The following CYB5R4 variants were observed in gnomAD, a reference collection of about 807,000 sequenced individuals.
CYB5R4 encodes the protein cytochrome b5 reductase 4.
In CYB5R4, 55 loss-of-function variants were observed where a neutral mutation model predicts 70.2. The observed-to-expected ratio is 0.78, with a 90% CI of 0.63 to 0.98. The LOEUF (loss-of-function observed/expected upper bound fraction) is 0.98, where lower values mean the gene tolerates loss of function less well. Ranked by LOEUF, CYB5R4 falls within the 50% of genes least tolerant of loss-of-function variation. The pLI is 0.00. For missense variants in CYB5R4, 562 were observed against 612.6 expected (o/e 0.92, Z 0.87); for synonymous variants, 197 against 199.5 (o/e 0.99, Z 0.11).
Position 83,876,023 on chromosome 6 carries a change from A to G in CYB5R4, c.229+11695A>G, listed in dbSNP as rs1440986817. Among the ~76,000 whole-genome samples the G allele has an allele frequency of 2.0e-5, 3 of 152,298 alleles. No homozygotes were observed. The East Asian group carries it at 5.8e-4, about 29-fold the overall frequency. ...TTCGAACGCCTCTGACAGTAGGGAT[A>G]TTCTAATGTTATCACAAGATAGAAC... On this transcript the variant is annotated intron_variant, in intron 2 of 15. Coordinates refer to ENST00000369681, the MANE Select transcript of CYB5R4 (RefSeq NM_016230.4).
intron 3 of CYB5R4, among the ~76,000 whole-genome samples, chr6:83,908,319 A>T (rs1433893312): frequency 1.3e-5 from 2 of 151,968 alleles, no homozygotes; most frequent in Admixed American, 1.3e-4. Context: ...TATGTGCAGG[A>T]TGTGCAGGTT....
intron 3 of CYB5R4, among the ~76,000 whole-genome samples, chr6:83,899,316 G>C (rs549952890): frequency 7.4e-4 from 113 of 152,180 alleles, no homozygotes; most frequent in East Asian, 4.2e-3. Context: ...GGATGAAGCC[G>C]ACTTGATCAT....
chr6:83,928,418 C>T (rs1304610518), intron 10 of CYB5R4, among the ~76,000 whole-genome samples: 2 of 151,980 alleles, frequency 1.3e-5, no homozygotes, highest in African/African-American at 4.8e-5. Flanking sequence ...AGTGAATAGA[C>T]ACAGATGAAT....
intron 12 of CYB5R4, among the ~76,000 whole-genome samples, chr6:83,938,662 C>T (rs1378312287): frequency 6.6e-6 from 1 of 152,100 alleles, no homozygotes; most frequent in Non-Finnish European, 1.5e-5. Context: ...ATCAGTTATC[C>T]TATGTGAGTC....
intron 2 of CYB5R4, among the ~76,000 whole-genome samples, chr6:83,890,257 G>A (rs2099460914): frequency 6.6e-6 from 1 of 152,180 alleles, no homozygotes; most frequent in South Asian, 2.1e-4. Context: ...TATGAGGAGA[G>A]AACAAAGTAT....
intron 14 of CYB5R4, among the ~76,000 whole-genome samples, chr6:83,942,023 A>G (rs1286741004): frequency 6.6e-6 from 1 of 152,198 alleles, no homozygotes; most frequent in African/African-American, 2.4e-5. Flanking sequence ...TTTGGAGAAG[A>G]TAACGTAAAT....
At chr6:83,911,772 G>T in intron 4 of CYB5R4, among the ~76,000 whole-genome samples, 1 of 152,012 alleles carries the variant, frequency 6.6e-6, no homozygotes. Flanking sequence ...ATCTGGGTAC[G>T]GTGGCTGACA....
chr6:83,958,900 T>C (rs2099472874), intron 15 of CYB5R4, among the ~76,000 whole-genome samples: 1 of 152,144 alleles, frequency 6.6e-6, no homozygotes, highest in Non-Finnish European at 1.5e-5. Context: ...ATAGAGTAAG[T>C]GGTAAAAAAG....
Position 83,959,880 on chromosome 6 carries a change from G to A in CYB5R4, c.*2G>A, listed in dbSNP as rs2129146809. ...GAGATCCATAGTTTTACAGCATAATGAAGAGCTGTCATTGTCCTTTATTCA... is the reference window on the plus strand; with the variant it reads ...GAGATCCATAGTTTTACAGCATAATAAAGAGCTGTCATTGTCCTTTATTCA... On this transcript the variant is annotated 3_prime_UTR_variant, in exon 16 of 16. Coordinates refer to ENST00000369681, the MANE Select transcript of CYB5R4 (RefSeq NM_016230.4). 1 of 1,593,924 alleles carries A rather than the reference G, an allele frequency of 6.3e-7. No homozygotes were observed. Among genetic ancestry groups the A allele is most frequent in the East Asian group, 2.3e-5 (1 of 44,254 alleles).
At chr6:83,881,059 C>A (rs61761501) in intron 2 of CYB5R4, among the ~76,000 whole-genome samples, 1,910 of 152,314 alleles carry the variant, frequency 0.013, 45 homozygotes, top group African/African-American at 0.043. Context: ...TCTGGTTTAT[C>A]TTCTCCAGAG....
chr6:83,861,874 G>T (rs999997707), intron 1 of CYB5R4, among the ~76,000 whole-genome samples: 1 of 152,152 alleles, frequency 6.6e-6, no homozygotes, highest in African/African-American at 2.4e-5. Flanking sequence ...TAGAAGTCTG[G>T]TGATGTTTTT....
chr6:83,910,037 A>G, intron 4 of CYB5R4: 3 of 1,612,244 alleles, frequency 1.9e-6, no homozygotes, highest in Non-Finnish European at 2.5e-6. Flanking sequence ...GCTGGTACGC[A>G]TGCATTGGAC....
At chr6:83,935,761 G>A (rs1359273397) in intron 11 of CYB5R4, among the ~76,000 whole-genome samples, 2 of 152,046 alleles carry the variant, frequency 1.3e-5, no homozygotes, top group Admixed American at 1.3e-4. Context: ...AAAGTAAAAA[G>A]TGAAATTTCT....
At chr6:83,943,939 C>A (rs2099470167) in intron 14 of CYB5R4, among the ~76,000 whole-genome samples, 1 of 151,802 alleles carries the variant, frequency 6.6e-6, no homozygotes, top group African/African-American at 2.4e-5. Context: ...AACAAAGCCT[C>A]CAAGAAATAT....
At chr6:83,868,572 T>A (rs2099457093) in intron 2 of CYB5R4, among the ~76,000 whole-genome samples, 1 of 152,196 alleles carries the variant, frequency 6.6e-6, no homozygotes, top group Non-Finnish European at 1.5e-5. Context: ...AATGCAGTAG[T>A]AGTTAATTGG....
At chr6:83,866,916 G>A (rs555936785) in intron 2 of CYB5R4, among the ~76,000 whole-genome samples, 4 of 152,256 alleles carry the variant, frequency 2.6e-5, no homozygotes, top group African/African-American at 7.2e-5. Context: ...ACCATACCTG[G>A]CCATGAATTT....
At chr6:83,898,284 C>T (rs1039035959) in intron 3 of CYB5R4, among the ~76,000 whole-genome samples, 1 of 152,070 alleles carries the variant, frequency 6.6e-6, no homozygotes, top group African/African-American at 2.4e-5. Context: ...AGATATGTGG[C>T]ATTAGTTCTG....
At chr6:83,948,284 G>A (rs1045112102) in intron 14 of CYB5R4, among the ~76,000 whole-genome samples, 8 of 152,026 alleles carry the variant, frequency 5.3e-5, no homozygotes, top group Admixed American at 1.3e-4. Context: ...ACCAAATACC[G>A]CATGTTCTTA....
At chr6:83,918,786 T>C (rs1336525092) in intron 6 of CYB5R4, among the ~76,000 whole-genome samples, 1 of 152,092 alleles carries the variant, frequency 6.6e-6, no homozygotes, top group Non-Finnish European at 1.5e-5. Flanking sequence ...ACCACCAGTC[T>C]ATATTATTCT....
Sources: gnomAD v4.1 joint callset for allele counts (sites outside exome capture counted in the v4.1 genomes callset) on GRCh38, gnomAD v4.1.1 for gene constraint, MANE v1.5 for transcripts, NCBI Gene and HGNC (gene_info 2026-07-23, HGNC 2026-07-21) for gene names.